EMX1: variants seen among roughly 807,000 people sequenced by gnomAD.
The protein encoded by EMX1 is homeobox protein EMX1.
EMX1 carries 10 observed loss-of-function variants against 20.1 expected under a neutral mutation model. The ratio of observed to expected loss-of-function variants is 0.50; its 90% CI spans 0.31 to 0.84. The LOEUF (loss-of-function observed/expected upper bound fraction) is 0.84, where lower values mean the gene tolerates loss of function less well. EMX1 is among the 40% of genes least tolerant of loss of function. The pLI, the probability that EMX1 is intolerant of heterozygous loss-of-function variation, is 0.05. For missense variants in EMX1, 424 were observed against 431.9 expected (o/e 0.98, Z 0.16); for synonymous variants, 250 against 200.4 (o/e 1.25, Z -2.09).
intron 1 of EMX1, among the ~76,000 whole-genome samples, chr2:72,923,181 A>G (rs537488551): frequency 9.1e-4 from 139 of 152,236 alleles, no homozygotes; most frequent in African/African-American, 3.2e-3. Flanking sequence ...CATCCAGTCC[A>G]GTGTTATCCC....
At chr2:72,932,205 C>G (rs1400787980) in intron 2 of EMX1, among the ~76,000 whole-genome samples, 1 of 152,254 alleles carries the variant, frequency 6.6e-6, no homozygotes, top group Admixed American at 6.5e-5. Context: ...CTCTGCCACG[C>G]AGCACCGTCT....
Position 72,917,582 on chromosome 2 carries a change from T to G in EMX1, c.-271T>G, listed in dbSNP as rs1042814197. 18 of 205,802 alleles carry G rather than the reference T, an allele frequency of 8.7e-5. No homozygotes were observed. The highest frequency in any genetic ancestry group is 4.0e-4 in the African/African-American group (17 of 42,988). 12.7% of individuals were successfully genotyped at this position (205,802 alleles called of 1,614,324 possible). A position where few individuals can be genotyped will look rare whatever the true frequency, so the allele number is the denominator to read the frequency against. ...AGGGCAGTGCGGGGACACCGGGGGCTGGGGTCGGTCCCAGCGGGACTCCGA... is the reference window on the plus strand; with the variant it reads ...AGGGCAGTGCGGGGACACCGGGGGCGGGGGTCGGTCCCAGCGGGACTCCGA... On this transcript the variant is annotated 5_prime_UTR_variant, in exon 1 of 3. Coordinates refer to ENST00000258106, the MANE Select transcript of EMX1 (RefSeq NM_004097.3).
At chr2:72,924,243 C>T (rs777051285) in intron 1 of EMX1, 66 bp from the exon 2 acceptor site, 2 of 1,532,824 alleles carry the variant, frequency 1.3e-6, no homozygotes, top group Non-Finnish European at 1.7e-6. Context: ...CTGTTGGGCC[C>T]CGGCTCACGG....
At position 72,918,278 on chromosome 2, in the gene EMX1, GC is replaced by G; in HGVS notation, c.431del (p.Pro144ArgfsTer93). 1.3e-6 allele frequency: 2 copies of G among 1,576,528 alleles called. No homozygotes were observed. The highest frequency in any genetic ancestry group is 1.8e-5 in the Admixed American group (1 of 56,988). On this transcript the variant is annotated frameshift_variant, in exon 1 of 3. Coordinates refer to ENST00000258106, the MANE Select transcript of EMX1 (RefSeq NM_004097.3). LOFTEE classifies it high-confidence loss of function. ...ACCAGCTGGGCGCCTCCCCGCTGCAGCCCCCGCACTCCTTCTTCGGCGCCCA... is the reference window on the plus strand; with the variant it reads ...ACCAGCTGGGCGCCTCCCCGCTGCAGCCCCGCACTCCTTCTTCGGCGCCCA... ...AHQLGASPLQ[P>X]PHSFFGAQHR... is the part of the protein sequence containing the mutation.
At chr2:72,926,265 AT>A (rs1403624421) in intron 2 of EMX1, 1 of 985,314 alleles carries the variant, frequency 1.0e-6, no homozygotes, top group Admixed American at 6.1e-5. Context: ...CTGCCTGTCA[AT>A]ATTTGCTCCT....
At position 72,918,160 on chromosome 2, in the gene EMX1, C is replaced by G. The variant is rs1671023096; in HGVS notation, c.308C>G (p.Ala103Gly). ...TTCGTGAGTGGCTTCCCTGCCGCGGCCGCCGCGGGCGCGGGCCGCTCGCTC... is the reference window on the plus strand; with the variant it reads ...TTCGTGAGTGGCTTCCCTGCCGCGGGCGCCGCGGGCGCGGGCCGCTCGCTC... ...AAFVSGFPAA[A>G]AAGAGRSLYG... is the part of the protein sequence containing the mutation. The change falls in exon 1 of 3, where the codon GCC becomes GGC. Residue 103 changes from alanine (A) to glycine (G), a missense_variant. By Grantham distance (60) the Ala-to-Gly change is moderately conservative (BLOSUM62 0). Coordinates refer to ENST00000258106, the MANE Select transcript of EMX1 (RefSeq NM_004097.3). 1 of 1,504,172 alleles carries G rather than the reference C, an allele frequency of 6.6e-7. No homozygotes were observed. The highest frequency in any genetic ancestry group is 1.5e-5 in the African/African-American group (1 of 68,654). The allele number at this position is 1,504,172 out of a possible 1,614,324, so 93.2% of individuals were successfully genotyped here. A position where few individuals can be genotyped will look rare whatever the true frequency, so the allele number is the denominator to read the frequency against.
At chr2:72,926,548 G>A (rs754941081) in intron 2 of EMX1, among the ~76,000 whole-genome samples, 1 of 152,146 alleles carries the variant, frequency 6.6e-6, no homozygotes, top group Non-Finnish European at 1.5e-5. Flanking sequence ...GAGATGGTTT[G>A]GACAGAGCTT....
At chr2:72,926,308 TTC>T in intron 2 of EMX1, 3 of 984,178 alleles carry the variant, frequency 3.0e-6, no homozygotes, top group Non-Finnish European at 3.6e-6. Flanking sequence ...GACTGATTGT[TTC>T]TTTCATTTTT....
chr2:72,926,876 C>A (rs1484959720), intron 2 of EMX1, among the ~76,000 whole-genome samples: 1 of 152,150 alleles, frequency 6.6e-6, no homozygotes, highest in African/African-American at 2.4e-5. Flanking sequence ...CATACGGAGC[C>A]AGGCTATATA....
At chr2:72,924,886 C>T (rs1282986780) in intron 2 of EMX1, among the ~76,000 whole-genome samples, 1 of 152,254 alleles carries the variant, frequency 6.6e-6, no homozygotes, top group African/African-American at 2.4e-5. Flanking sequence ...AGCCCTTTTC[C>T]CGCCACTGTG....
intron 1 of EMX1, chr2:72,924,106 G>A (rs771850402): frequency 1.5e-6 from 1 of 647,526 alleles, no homozygotes; most frequent in South Asian, 1.8e-5. Context: ...CGAGTGCGGG[G>A]AGGTGTTGCG....
At chr2:72,932,410 G>C (rs1402982815) in intron 2 of EMX1, among the ~76,000 whole-genome samples, 1 of 152,244 alleles carries the variant, frequency 6.6e-6, no homozygotes, top group African/African-American at 2.4e-5. Context: ...AAGCCCAGAG[G>C]GGGAAGGGAC....
At chr2:72,923,819 A>AC (rs1669624280) in intron 1 of EMX1, 2 of 222,102 alleles carry the variant, frequency 9.0e-6, no homozygotes, top group East Asian at 1.2e-4. Context: ...CACGTTCCTG[A>AC]CCCCCAGCCC....
At chr2:72,933,038 G>GGA (rs1481259625) in intron 2 of EMX1, 1 of 152,284 alleles carries the variant, frequency 6.6e-6, no homozygotes, top group Non-Finnish European at 1.5e-5. Flanking sequence ...ACTACCCTGA[G>GGA]GAGCTGGCAC....
At position 72,917,905 on chromosome 2, in the gene EMX1, C is replaced by G. The variant is rs745394066; in HGVS notation, c.53C>G (p.Ala18Gly). The G allele has an allele frequency of 2.2e-5, 33 of 1,481,562 alleles. No homozygotes were observed. The Admixed American group carries it at 6.7e-4, about 30-fold the overall frequency. 91.8% of individuals were successfully genotyped at this position (1,481,562 alleles called of 1,614,324 possible). Reference sequence around the variant, plus strand: ...AAGGCGGCGGCGCCAGGACGCGGAGCGCTCCCCAGAGCCCGGCTGCCTCGC... The same window carrying G: ...AAGGCGGCGGCGCCAGGACGCGGAGGGCTCCCCAGAGCCCGGCTGCCTCGC... ...PRKAAAPGRGALPRARLPRTA... is the reference protein window; with the variant it reads ...PRKAAAPGRGGLPRARLPRTA... The change falls in exon 1 of 3, where the codon GCG (alanine) becomes GGG (glycine). Residue 18 changes from alanine (A) to glycine (G), a missense_variant. By Grantham distance (60) the Ala-to-Gly change is moderately conservative. Transcript: ENST00000258106.
chr2:72,926,016 T>C, intron 2 of EMX1: 1 of 985,336 alleles, frequency 1.0e-6, no homozygotes, highest in Non-Finnish European at 1.2e-6. Context: ...CTCCTGGCAG[T>C]GTTTTAAAAT....
Position 72,925,727 on chromosome 2 carries a change from A to G in EMX1, c.705+1234A>G, listed in dbSNP as rs560732397. ...GAGTAGGAAGGGGGCTTAGTGAGGG[A>G]GCCCAGACCCAAACTTCATCCGCAG... On this transcript the variant is annotated intron_variant, in intron 2 of 2. Transcript: ENST00000258106. The G allele has an allele frequency of 2.4e-4, 241 of 985,398 alleles. No individual in the cohort carries two copies. In the African/African-American group the frequency reaches 4.0e-3, roughly 16 times the overall value. 61.0% of individuals were successfully genotyped at this position (985,398 alleles called of 1,614,324 possible).
In EMX1 at chr2:72,930,385, G is replaced by A. The variant is rs1345058792; in HGVS notation, c.706-3402G>A. 6.6e-6 allele frequency among the ~76,000 whole-genome samples: 1 copy of A among 152,236 alleles called. No individual in the cohort carries two copies. The highest frequency in any genetic ancestry group is 1.5e-5 in the Non-Finnish European group (1 of 68,042). ...TTAAGGAACATCAGGACAGGGTCTT[G>A]AAGGCTAAGGAGAGTATTCCAGGGT... On this transcript the variant is annotated intron_variant, in intron 2 of 2. Coordinates refer to ENST00000258106, the MANE Select transcript of EMX1 (RefSeq NM_004097.3). The surrounding 1 kb of genome is among the most constrained non-coding windows in gnomAD (Gnocchi z 4.4).
At chr2:72,924,270 C>G (rs1573897483) in intron 1 of EMX1, 39 bp from the exon 2 acceptor site, 2 of 1,548,246 alleles carry the variant, frequency 1.3e-6, no homozygotes, top group Non-Finnish European at 1.7e-6. Flanking sequence ...TTCTCTCTGT[C>G]TGTACCTGCG....
Sources: allele counts gnomAD v4.1 joint callset (sites outside exome capture counted in the v4.1 genomes callset), GRCh38; gene constraint gnomAD v4.1.1; non-coding constraint Gnocchi (gnomAD v3.1); transcripts MANE v1.5; gene names NCBI Gene and HGNC (gene_info 2026-07-23, HGNC 2026-07-21).